ZNF407: variants seen among roughly 807,000 people sequenced by gnomAD.
ZNF407 encodes zinc finger protein 407.
Under a neutral mutation model 131.2 loss-of-function variants are expected in ZNF407, and 17 were observed. The ratio of observed to expected loss-of-function variants is 0.13; its 90% confidence interval spans 0.09 to 0.19. The LOEUF is 0.19. Among genes scored for constraint, ZNF407 ranks in the 10% least tolerant of loss-of-function variants. The pLI is 1.00. For synonymous variants in ZNF407, 1,156 were observed against 1,062.0 expected (o/e 1.09, Z -1.72); for missense variants, 2,681 against 2,830.6 (o/e 0.95, Z 1.20).
chr18:74,634,419 A>C lies in ZNF407; in HGVS notation c.3400A>C (p.Thr1134Pro). 1 of 1,613,464 alleles carries C rather than the reference A, an allele frequency of 6.2e-7. No homozygotes were observed. The highest frequency in any genetic ancestry group is 1.7e-5 in the Admixed American group (1 of 60,002). Residue 1134 changes from threonine (T) to proline (P), a missense_variant, in exon 2 of 9, where the codon ACT becomes CCT. Thr to Pro is a conservative substitution (Grantham distance 38). Around this residue, in one of 6 missense-constraint regions of ZNF407, gnomAD observed 1,789 missense variants for 1,748.7 expected, o/e 1.02. Coordinates refer to ENST00000299687, the MANE Select transcript of ZNF407 (RefSeq NM_017757.3). ...AGATTGCTCTATTTTAAATGAGAAT[A>C]CTAATTTAGATATGTCTAAAGTGCT... ...AADCSILNEN[T>P]NLDMSKVLCA...
chr18:74,841,205 C>T (rs1354978942), intron 4 of ZNF407, among the ~76,000 whole-genome samples: 2 of 152,188 alleles, frequency 1.3e-5, no homozygotes, highest in East Asian at 3.8e-4. Context: ...AATTGTTAAA[C>T]TTTAAGGAAT....
Position 74,877,371 on chromosome 18 carries a change from G to C in ZNF407, c.5044+8G>C, listed in dbSNP as rs371729890. The stretch of plus-strand genomic sequence containing the variant: ...ACTACAGGACGCACACAGGTGTGCC[G>C]CGCCGCCTTCCTATCCCAGGAGGCT... On this transcript the variant is annotated splice_region_variant and intron_variant, in intron 5 of 8. Coordinates refer to ENST00000299687, the MANE Select transcript of ZNF407 (RefSeq NM_017757.3). The C allele has an allele frequency of 6.2e-7, 1 of 1,609,740 alleles. No homozygotes were observed. Among genetic ancestry groups the C allele is most frequent in the Non-Finnish European group, 8.5e-7 (1 of 1,177,432 alleles).
chr18:74,608,259 C>CT (rs559067824), intron 1 of ZNF407, among the ~76,000 whole-genome samples: 95 of 152,172 alleles, frequency 6.2e-4, no homozygotes, highest in African/African-American at 2.0e-3. Context: ...CATTGATATC[C>CT]TTTTTTTCTG....
intron 3 of ZNF407, among the ~76,000 whole-genome samples, chr18:74,742,927 CT>C (rs564590665): frequency 6.6e-6 from 1 of 152,006 alleles, no homozygotes; most frequent in African/African-American, 2.4e-5. Context: ...AATTAGGATA[CT>C]TTTTTTAATA....
chr18:75,031,642 G>T (rs570873352), intron 8 of ZNF407, among the ~76,000 whole-genome samples: 1 of 152,146 alleles, frequency 6.6e-6, no homozygotes, highest in Admixed American at 6.5e-5. Flanking sequence ...ATCAAGAAAC[G>T]AGTATTTATC....
chr18:74,699,425 C>G (rs1446043659), intron 3 of ZNF407, among the ~76,000 whole-genome samples: 2 of 152,048 alleles, frequency 1.3e-5, no homozygotes, highest in Non-Finnish European at 1.5e-5. Context: ...AGGGTACTTG[C>G]GTATGGGAGC....
chr18:74,866,430 C>T (rs1411473117), intron 4 of ZNF407, among the ~76,000 whole-genome samples: 1 of 152,076 alleles, frequency 6.6e-6, no homozygotes, highest in Non-Finnish European at 1.5e-5. Context: ...TGACAAAGTC[C>T]AAGACAATGA....
chr18:74,696,674 A>T (rs1213058344), intron 3 of ZNF407, among the ~76,000 whole-genome samples: 1 of 152,194 alleles, frequency 6.6e-6, no homozygotes, highest in Non-Finnish European at 1.5e-5. Context: ...ATACACATAC[A>T]CATGAATGTA....
chr18:74,635,139 C>G lies in ZNF407; in HGVS notation c.4120C>G (p.Gln1374Glu). 6.2e-7 allele frequency: 1 copy of G among 1,613,954 alleles called. No homozygotes were observed. Among genetic ancestry groups the G allele is most frequent in the South Asian group, 1.1e-5 (1 of 91,078 alleles). Reference sequence around the variant, plus strand: ...CCCTGAAGATGGTGAGTTGATAGACCAGTCTGAAGAGGGCTTGATAGCAAC... The same window carrying G: ...CCCTGAAGATGGTGAGTTGATAGACGAGTCTGAAGAGGGCTTGATAGCAAC... ...KNPEDGELID[Q>E]SEEGLIATGV... The change falls in exon 2 of 9, where the codon CAG becomes GAG. Residue 1374 changes from glutamine to glutamate, a missense_variant. By Grantham distance (29) the Gln-to-Glu change is conservative. Around this residue, in one of 6 missense-constraint regions of ZNF407, gnomAD observed 1,789 missense variants for 1,748.7 expected, o/e 1.02. Coordinates refer to ENST00000299687, the MANE Select transcript of ZNF407 (RefSeq NM_017757.3). This position sits in a 1 kb window ranked among gnomAD's most constrained non-coding sequence, Gnocchi z 4.7.
At chr18:74,760,697 T>G (rs1473622117) in intron 3 of ZNF407, among the ~76,000 whole-genome samples, 1 of 152,090 alleles carries the variant, frequency 6.6e-6, no homozygotes, top group Non-Finnish European at 1.5e-5. Context: ...GTAGTGGAAT[T>G]TTTACGGGAA....
intron 8 of ZNF407, among the ~76,000 whole-genome samples, chr18:75,038,075 A>G (rs1973330616): frequency 6.6e-6 from 1 of 152,258 alleles, no homozygotes; most frequent in South Asian, 2.1e-4. Flanking sequence ...CAGAAAATCC[A>G]TATTACTCTC....
rs182200049 is a variant in ZNF407 at position 74,903,474 on chromosome 18, T to G, written c.5249+13436T>G. ...TACCATTTTTACTGTACCTAACCAC[T>G]CTAAAAAAATGATGGCTTGGATTTT... On this transcript the variant is annotated intron_variant, in intron 7 of 8. Coordinates refer to ENST00000299687, the MANE Select transcript of ZNF407 (RefSeq NM_017757.3). Among the ~76,000 whole-genome samples, 332 of 152,272 alleles carry G rather than the reference T, an allele frequency of 2.2e-3. 1 individual carries two copies. The highest frequency in any genetic ancestry group is 3.7e-3 in the Admixed American group (57 of 15,308).
chr18:74,734,705 GTGTGTT>G (rs146009202), intron 3 of ZNF407, among the ~76,000 whole-genome samples: 14,794 of 149,666 alleles, frequency 0.099, 1,110 homozygotes, highest in African/African-American at 0.21. Context: ...GTGTGTGTGT[GTGTGTT>G]TTTGAGAGAA....
intron 8 of ZNF407, among the ~76,000 whole-genome samples, chr18:75,043,358 A>G (rs1973395768): frequency 6.6e-6 from 1 of 152,194 alleles, no homozygotes; most frequent in African/African-American, 2.4e-5. Context: ...CAGTCCTCCT[A>G]TGCTCTGGAC....
chr18:74,712,191 G>A (rs976094317), intron 3 of ZNF407, among the ~76,000 whole-genome samples: 2 of 152,118 alleles, frequency 1.3e-5, no homozygotes, highest in South Asian at 4.1e-4. Context: ...TTTAAAATGT[G>A]GCTATTAGCA....
chr18:74,834,782 G>GA (rs765284071), intron 4 of ZNF407, among the ~76,000 whole-genome samples: 1 of 152,196 alleles, frequency 6.6e-6, no homozygotes, highest in Non-Finnish European at 1.5e-5. Context: ...GAGGAATAGT[G>GA]AAAGTGGGTT....
chr18:75,022,765 A>G (rs1973125661), intron 8 of ZNF407, among the ~76,000 whole-genome samples: 2 of 152,286 alleles, frequency 1.3e-5, no homozygotes. Context: ...TGTGGAAGAC[A>G]GTGTGGTGAT....
intron 4 of ZNF407, among the ~76,000 whole-genome samples, chr18:74,838,607 A>G (rs1970589935): frequency 6.6e-6 from 1 of 151,914 alleles, no homozygotes; most frequent in African/African-American, 2.4e-5. Context: ...TTTTTTTTTA[A>G]TGTGTGTATG....
chr18:74,831,737 T>C (rs1970486458), intron 4 of ZNF407, among the ~76,000 whole-genome samples: 1 of 152,112 alleles, frequency 6.6e-6, no homozygotes. Context: ...ATGCCACGTG[T>C]CCCCCTCACC....
Sources: allele counts gnomAD v4.1 joint callset (sites outside exome capture counted in the v4.1 genomes callset), GRCh38; gene constraint gnomAD v4.1.1; regional missense constraint gnomAD v4.1.1; non-coding constraint Gnocchi (gnomAD v3.1); transcripts MANE v1.5; gene names NCBI Gene and HGNC (gene_info 2026-07-23, HGNC 2026-07-21).